LPIN2: variants seen among roughly 807,000 people sequenced by gnomAD.
LPIN2 encodes the protein lipin 2.
A neutral mutation model predicts 111.4 loss-of-function variants in LPIN2; 55 were observed. The ratio of observed to expected loss-of-function variants is 0.49; its 90% CI spans 0.40 to 0.62. The LOEUF (loss-of-function observed/expected upper bound fraction) is 0.62. Ranked by LOEUF, LPIN2 falls within the 20% of genes least tolerant of loss-of-function variation. LPIN2 has a pLI of 0.00. For synonymous variants in LPIN2, 425 were observed against 414.0 expected (o/e 1.03, Z -0.32); for missense variants, 992 against 1,112.1 (o/e 0.89, Z 1.54).
chr18:2,968,305 T>C (rs2077841731), intron 1 of LPIN2, among the ~76,000 whole-genome samples: 1 of 152,182 alleles, frequency 6.6e-6, no homozygotes, highest in Non-Finnish European at 1.5e-5. Flanking sequence ...GTAATCCTCC[T>C]ACAGGTTTAA....
rs756710021 is a variant in LPIN2, at chr18:2,937,657, G to A, written c.1168+35C>T. 2.6e-6 allele frequency: 4 copies of A among 1,526,680 alleles called. No individual in the cohort carries two copies. In the East Asian group the frequency reaches 6.9e-5, roughly 26 times the overall value. 94.6% of individuals were successfully genotyped at this position (1,526,680 alleles called of 1,614,324 possible). The stretch of plus-strand genomic sequence containing the variant: ...ACTGAAATAATTTACCATCTAATTT[G>A]AGAGTACCTGGAGCCAAATTAAACA... On this transcript the variant is annotated intron_variant, in intron 7 of 19. Transcript: ENST00000677752.
intron 16 of LPIN2, among the ~76,000 whole-genome samples, chr18:2,922,614 T>C (rs1483545389): frequency 6.6e-6 from 1 of 152,150 alleles, no homozygotes; most frequent in Non-Finnish European, 1.5e-5. Context: ...AAACTTCCTC[T>C]CATTTACTGT....
At chr18:2,965,031 G>A (rs1289368146) in intron 1 of LPIN2, among the ~76,000 whole-genome samples, 2 of 152,144 alleles carry the variant, frequency 1.3e-5, no homozygotes, top group African/African-American at 2.4e-5. Context: ...GCTACACAGT[G>A]TATGTAATAT....
chr18:2,960,673 T>A lies in LPIN2; in HGVS notation c.168A>T (p.Gly56=). ...SPFHVRFGKL[G]VLRSKEKVID... The stretch of plus-strand genomic sequence containing the variant: ...CCACTTTCTCTTTGGATCTCAGGAC[T>A]CCCAGCTTTCCAAACCGAACGTGAA... Residue 56 remains glycine, a synonymous_variant, in exon 2 of 20, where the codon GGA becomes GGT. Transcript: ENST00000677752. 5.0e-6 allele frequency: 8 copies of A among 1,614,034 alleles called. No homozygotes were observed. In the South Asian group the frequency reaches 7.7e-5, roughly 16 times the overall value.
chr18:2,960,883 A>C, intron 1 of LPIN2, 34 bp from the exon 2 acceptor site: 1 of 1,544,978 alleles, frequency 6.5e-7, no homozygotes, highest in Non-Finnish European at 8.9e-7. Context: ...AGATGTTAAC[A>C]CTAAATTTGT....
chr18:2,949,239 T>G (rs927834744), intron 4 of LPIN2, among the ~76,000 whole-genome samples: 2 of 152,230 alleles, frequency 1.3e-5, no homozygotes, highest in Non-Finnish European at 2.9e-5. Context: ...AGGAAGAGTC[T>G]CTTTTTAAGA....
chr18:2,982,680 A>C (rs907763226), intron 1 of LPIN2: 13 of 1,300,750 alleles, frequency 1.0e-5, no homozygotes, highest in Non-Finnish European at 1.0e-5. Context: ...AGATACCAGG[A>C]GGGGACTTGT....
intron 1 of LPIN2, among the ~76,000 whole-genome samples, chr18:3,007,657 T>G (rs542091929): frequency 2.6e-5 from 4 of 152,320 alleles, no homozygotes; most frequent in Admixed American, 2.6e-4. Flanking sequence ...TGTTGGCTCA[T>G]AAGAAAAGCA....
intron 1 of LPIN2, among the ~76,000 whole-genome samples, chr18:2,995,393 C>T (rs938760554): frequency 6.6e-6 from 1 of 152,220 alleles, no homozygotes; most frequent in Non-Finnish European, 1.5e-5. Context: ...AACTGAACCC[C>T]ACTCTTCAGC....
chr18:2,958,155 AAACAAC>A (rs1187491977), intron 2 of LPIN2, among the ~76,000 whole-genome samples: 1,462 of 99,992 alleles, frequency 0.015, 405 homozygotes, highest in Non-Finnish European at 0.02. Flanking sequence ...AAAAAAAAAA[AAACAAC>A]AAAAAAAAAA....
At chr18:2,940,760 A>G (rs1240131871) in intron 4 of LPIN2, 48 bp from the exon 5 acceptor site, 1 of 1,145,862 alleles carries the variant, frequency 8.7e-7, no homozygotes, top group East Asian at 2.4e-5. Flanking sequence ...CATTCTTGTC[A>G]GCTTTAAAAT....
intron 1 of LPIN2, among the ~76,000 whole-genome samples, chr18:2,983,695 A>T (rs186065259): frequency 7.9e-5 from 12 of 152,370 alleles, no homozygotes; most frequent in African/African-American, 2.6e-4. Flanking sequence ...AAGAATGAAA[A>T]GAGAATAAAA....
At chr18:2,936,524 G>A (rs2077287635) in intron 7 of LPIN2, among the ~76,000 whole-genome samples, 1 of 152,166 alleles carries the variant, frequency 6.6e-6, no homozygotes, top group Admixed American at 6.5e-5. Flanking sequence ...ACAGCTCACT[G>A]CAGTCGTGAC....
chr18:2,927,628 G>A (rs2077153381), intron 12 of LPIN2, 94 bp downstream of exon 12: 1 of 1,365,818 alleles, frequency 7.3e-7, no homozygotes. Context: ...GCCCTATACA[G>A]TCCAAATTCC....
In LPIN2 at chr18:2,990,738, A is replaced by C. The variant is rs1260782276; in HGVS notation, c.-10+22349T>G. ...GTAGGAAACAGAGACAGAATGTCAA[A>C]GATTACTATTAGAAATGGATGGAAG... On this transcript the variant is annotated intron_variant, in intron 1 of 19. Coordinates refer to ENST00000677752, the MANE Select transcript of LPIN2 (RefSeq NM_001375808.2). 4 of 334,508 alleles carry C rather than the reference A, an allele frequency of 1.2e-5. No individual in the cohort carries two copies. In the Admixed American group the frequency reaches 1.5e-4, roughly 12 times the overall value. The allele number at this position is 334,508 out of a possible 1,614,324, so 20.7% of individuals were successfully genotyped here. A position where few individuals can be genotyped will look rare whatever the true frequency, so the allele number is the denominator to read the frequency against.
intron 4 of LPIN2, among the ~76,000 whole-genome samples, chr18:2,943,909 T>C (rs1398906851): frequency 6.6e-6 from 1 of 152,244 alleles, no homozygotes; most frequent in Non-Finnish European, 1.5e-5. Flanking sequence ...ATGATATATA[T>C]GCTTTATTAA....
At chr18:2,988,780 C>T (rs2078222197) in intron 1 of LPIN2, among the ~76,000 whole-genome samples, 1 of 152,192 alleles carries the variant, frequency 6.6e-6, no homozygotes, top group Non-Finnish European at 1.5e-5. Flanking sequence ...AGAAGAAATG[C>T]TCCCTCTTCT....
intron 1 of LPIN2, among the ~76,000 whole-genome samples, chr18:2,966,187 T>C (rs1329047176): frequency 6.6e-6 from 1 of 152,216 alleles, no homozygotes; most frequent in Non-Finnish European, 1.5e-5. Context: ...TCCACCTGCC[T>C]TGGCTTCCCG....
rs1266328440 is a variant in LPIN2, at chr18:2,917,322, A to G, written c.*2971T>C. 2.0e-5 allele frequency: 3 copies of G among 152,242 alleles called. No homozygotes were observed. The East Asian group carries it at 5.8e-4, about 29-fold the overall frequency. The allele number at this position is 152,242 out of a possible 1,614,324, so 9.4% of individuals were successfully genotyped here. On this transcript the variant is annotated 3_prime_UTR_variant, in exon 20 of 20. Transcript: ENST00000677752. Reference sequence around the variant, plus strand: ...AAAGACTCAATTTTTAACCAGTTTTATTAAACCCTGGAAGCTCTACAACAC... The same window carrying G: ...AAAGACTCAATTTTTAACCAGTTTTGTTAAACCCTGGAAGCTCTACAACAC...
Sources: allele counts gnomAD v4.1 joint callset (sites outside exome capture counted in the v4.1 genomes callset), GRCh38; gene constraint gnomAD v4.1.1; transcripts MANE v1.5; gene names NCBI Gene and HGNC (gene_info 2026-07-23, HGNC 2026-07-21).